AKAP7: variants seen among roughly 807,000 people sequenced by gnomAD.
AKAP7 encodes A kinase (PRKA) anchor protein 7.
Under a neutral mutation model 39.5 loss-of-function variants are expected in AKAP7, and 39 were observed. That is an observed-to-expected ratio of 0.99 (90% CI 0.76 to 1.29). The LOEUF (loss-of-function observed/expected upper bound fraction) is 1.29, where lower values mean the gene tolerates loss of function less well. AKAP7 is among the 50% of genes most tolerant of loss of function. AKAP7 has a pLI of 0.00. For missense variants in AKAP7, 414 were observed against 407.7 expected (o/e 1.02, Z -0.13); for synonymous variants, 140 against 139.1 (o/e 1.01, Z -0.05).
chr6:131,206,342 T>C (rs1414416432), intron 6 of AKAP7, among the ~76,000 whole-genome samples: 1 of 152,164 alleles, frequency 6.6e-6, no homozygotes, highest in Non-Finnish European at 1.5e-5. Context: ...ATGAGAGTAC[T>C]TTAGAATGAA....
At chr6:131,136,505 G>C (rs1800554762) in intron 1 of AKAP7, among the ~76,000 whole-genome samples, 2 of 152,228 alleles carry the variant, frequency 1.3e-5, no homozygotes, top group Non-Finnish European at 2.9e-5. Flanking sequence ...CAATTGTTAA[G>C]TGAATGATGA....
chr6:131,135,106 G>A (rs572051501), upstream of AKAP7, among the ~76,000 whole-genome samples: 1 of 152,266 alleles, frequency 6.6e-6, no homozygotes, highest in South Asian at 2.1e-4. Context: ...ACAAGGTCTC[G>A]TTCTTGTACA....
intron 7 of AKAP7, among the ~76,000 whole-genome samples, chr6:131,265,763 A>G (rs546804323): frequency 3.3e-5 from 5 of 152,154 alleles, no homozygotes; most frequent in Non-Finnish European, 5.9e-5. Context: ...TCACTTTGTC[A>G]GTTTTTAGTT....
At chr6:131,165,571 TC>T (rs149120467) in intron 4 of AKAP7, among the ~76,000 whole-genome samples, 1,619 of 152,264 alleles carry the variant, frequency 0.011, 32 homozygotes, top group African/African-American at 0.037. Flanking sequence ...TCATGTACTT[TC>T]TAAGTAAATG....
At chr6:131,205,298 G>A (rs1232720682) in intron 6 of AKAP7, among the ~76,000 whole-genome samples, 1 of 152,006 alleles carries the variant, frequency 6.6e-6, no homozygotes, top group African/African-American at 2.4e-5. Flanking sequence ...TCATCAGTCT[G>A]TTTATGAAGG....
chr6:131,269,556 G>A (rs565816736), intron 7 of AKAP7, among the ~76,000 whole-genome samples: 49 of 152,236 alleles, frequency 3.2e-4, no homozygotes, highest in African/African-American at 1.2e-3. Context: ...TAGCAAATGG[G>A]AACCAACAAA....
intron 7 of AKAP7, among the ~76,000 whole-genome samples, chr6:131,270,262 G>A (rs1218707715): frequency 1.3e-5 from 2 of 152,116 alleles, no homozygotes; most frequent in African/African-American, 2.4e-5. Flanking sequence ...CCTGGAAACC[G>A]CTGGTTTGTT....
intron 5 of AKAP7, among the ~76,000 whole-genome samples, chr6:131,196,317 G>A (rs1585063720): frequency 1.3e-5 from 2 of 148,618 alleles, no homozygotes; most frequent in East Asian, 4.0e-4. Flanking sequence ...TCAGGCAGGA[G>A]TGCAATGGTG....
intron 7 of AKAP7, among the ~76,000 whole-genome samples, chr6:131,225,092 C>A (rs1490509001): frequency 6.6e-6 from 1 of 151,992 alleles, no homozygotes; most frequent in Non-Finnish European, 1.5e-5. Flanking sequence ...CTGTTCTATT[C>A]TTTGCTTCAT....
At chr6:131,244,988 G>A (rs1044182322) in intron 7 of AKAP7, among the ~76,000 whole-genome samples, 6 of 152,122 alleles carry the variant, frequency 3.9e-5, no homozygotes, top group African/African-American at 1.4e-4. Flanking sequence ...GACTAAAGTA[G>A]GAGTAATGGT....
At chr6:131,152,484 TATAA>T (rs1802003074) in intron 2 of AKAP7, among the ~76,000 whole-genome samples, 1 of 152,196 alleles carries the variant, frequency 6.6e-6, no homozygotes, top group Non-Finnish European at 1.5e-5. Context: ...TTTGACCATA[TATAA>T]ATAAACTTTA....
chr6:131,281,448 A>G lies in AKAP7; in HGVS notation c.851-82A>G. The G allele has an allele frequency of 8.5e-7, 1 of 1,172,432 alleles. No homozygotes were observed. 72.6% of individuals were successfully genotyped at this position (1,172,432 alleles called of 1,614,324 possible). ...CAATTTACACTTGCTCTTTTTAACCAATGGAACTAGCCGGCCCCTGCATGC... is the reference window on the plus strand; with the variant it reads ...CAATTTACACTTGCTCTTTTTAACCGATGGAACTAGCCGGCCCCTGCATGC... On this transcript the variant is annotated intron_variant, in intron 7 of 7. Coordinates refer to ENST00000431975, the MANE Select transcript of AKAP7 (RefSeq NM_016377.4). This position sits in a 1 kb window ranked among gnomAD's most constrained non-coding sequence, Gnocchi z 4.0.
intron 7 of AKAP7, 65 bp downstream of exon 7, chr6:131,219,873 T>TG (rs1303082661): frequency 8.8e-7 from 1 of 1,136,954 alleles, no homozygotes; most frequent in African/African-American, 1.6e-5. Flanking sequence ...ACTTTTATCT[T>TG]GGCAAATATT....
intron 3 of AKAP7, among the ~76,000 whole-genome samples, chr6:131,162,762 T>A (rs1419630436): frequency 6.6e-6 from 1 of 152,194 alleles, no homozygotes; most frequent in Non-Finnish European, 1.5e-5. Context: ...TTTGCTCCTC[T>A]TGGTTTTGTT....
chr6:131,169,188 T>A lies in AKAP7; in HGVS notation c.504T>A (p.Phe168Leu), dbSNP rs762139779. 1 of 1,614,102 alleles carries A rather than the reference T, an allele frequency of 6.2e-7. No homozygotes were observed. Among genetic ancestry groups the A allele is most frequent in the African/African-American group, 1.3e-5 (1 of 75,038 alleles). ...AGGGAAAACATTTGACTTTGCCCTT[T>A]CAAGGGATTGGTACTTTTGGAAATC... ...LLQGKHLTLP[F>L]QGIGTFGNQV... is the part of the protein sequence containing the mutation. Residue 168 changes from phenylalanine to leucine, a missense_variant, in exon 5 of 8, where the codon TTT (phenylalanine) becomes TTA (leucine). Transcript: ENST00000431975.
intron 7 of AKAP7, among the ~76,000 whole-genome samples, chr6:131,253,300 A>T (rs913111464): frequency 6.6e-6 from 1 of 152,166 alleles, no homozygotes; most frequent in Non-Finnish European, 1.5e-5. Context: ...AGTTAACTAT[A>T]TGCATACCCA....
intron 6 of AKAP7, chr6:131,200,140 A>G (rs1807410161): frequency 6.5e-6 from 1 of 153,678 alleles, no homozygotes. Flanking sequence ...CTCCCTAAGG[A>G]TGGTCAACCC....
At chr6:131,136,959 T>C in intron 1 of AKAP7, 7 of 647,404 alleles carry the variant, frequency 1.1e-5, no homozygotes, top group Non-Finnish European at 1.2e-5. Flanking sequence ...TATGTATGTA[T>C]ATATGTATAT....
chr6:131,141,656 C>G (rs2128224977), intron 1 of AKAP7, among the ~76,000 whole-genome samples: 1 of 152,302 alleles, frequency 6.6e-6, no homozygotes, highest in South Asian at 2.1e-4. Context: ...AGGTTTGGAA[C>G]TTCTTAAAGA....
Sources: gnomAD v4.1 joint callset for allele counts (sites outside exome capture counted in the v4.1 genomes callset) on GRCh38, gnomAD v4.1.1 for gene constraint, Gnocchi (gnomAD v3.1) non-coding constraint, MANE v1.5 for transcripts, NCBI Gene and HGNC (gene_info 2026-07-23, HGNC 2026-07-21) for gene names.